The following MAP3K15 variants were observed in gnomAD, a reference collection of about 807,000 sequenced individuals.
The protein encoded by MAP3K15 is mitogen-activated protein kinase kinase kinase 15.
MAP3K15 carries 124 observed loss-of-function variants against 99.5 expected under a neutral mutation model. That is an observed-to-expected ratio of 1.25 (90% CI 1.08 to 1.45). MAP3K15 has a LOEUF of 1.45. Among genes scored for constraint, MAP3K15 ranks in the 40% most tolerant of loss-of-function variants. MAP3K15 has a pLI of 0.00. For missense variants in MAP3K15, 1,242 were observed against 1,079.7 expected, an observed-to-expected ratio of 1.15 and a Z score of -2.11; for synonymous variants, 494 against 439.6, an observed-to-expected ratio of 1.12 and a Z score of -1.55.
intron 3 of MAP3K15, among the ~76,000 whole-genome samples, chrX:19,483,018 G>A (rs2051684973): frequency 1.8e-5 from 2 of 110,012 alleles, no homozygotes; most frequent in Non-Finnish European, 1.9e-5. Context: ...GGAGGCCAAC[G>A]CGGGCGGATC....
At chrX:19,391,403 G>A (rs771139410) in intron 18 of MAP3K15, among the ~76,000 whole-genome samples, 3 of 110,996 alleles carry the variant, frequency 2.7e-5, no homozygotes, top group Non-Finnish European at 5.7e-5. Context: ...GCCAGGCGCG[G>A]TGGCTCACAT....
intron 6 of MAP3K15, among the ~76,000 whole-genome samples, chrX:19,447,076 G>A (rs902041202): frequency 8.2e-5 from 9 of 110,048 alleles, no homozygotes; most frequent in African/African-American, 2.6e-4. Flanking sequence ...CCACCACACC[G>A]GCTAATTTTT....
At chrX:19,465,830 GGTGTGTGT>G (rs10589040) in intron 3 of MAP3K15, among the ~76,000 whole-genome samples, 15 of 94,002 alleles carry the variant, frequency 1.6e-4, no homozygotes, top group African/African-American at 3.1e-4. Flanking sequence ...GGTGTGTAGG[GGTGTGTGT>G]GTGTGTGTGT....
At chrX:19,391,402 G>A (rs993949767) in intron 18 of MAP3K15, among the ~76,000 whole-genome samples, 13 of 110,875 alleles carry the variant, frequency 1.2e-4, no homozygotes, top group African/African-American at 4.3e-4. Flanking sequence ...GGCCAGGCGC[G>A]GTGGCTCACA....
intron 1 of MAP3K15, among the ~76,000 whole-genome samples, chrX:19,494,039 C>A (rs1180244853): frequency 3.6e-5 from 4 of 110,939 alleles, no homozygotes; most frequent in African/African-American, 1.3e-4. Context: ...TCCTAGCAAC[C>A]ATTACCTTTC....
chrX:19,509,544 A>G (rs1460120967), intron 1 of MAP3K15, among the ~76,000 whole-genome samples: 1 of 112,073 alleles, frequency 8.9e-6, no homozygotes. Context: ...TTTGAAATCA[A>G]TGAGAACAAA....
rs1047054560 is a variant in MAP3K15, at chrX:19,446,357, T to C, written c.995+10556A>G. Among the ~76,000 whole-genome samples, 7 of 112,201 alleles carry C rather than the reference T, an allele frequency of 6.2e-5. 1 individual carries two copies. Among genetic ancestry groups the C allele is most frequent in the African/African-American group, 2.3e-4 (7 of 30,899 alleles). On this transcript the variant is annotated intron_variant, in intron 6 of 28. Transcript: ENST00000338883. ...ACTAATAAAATGATGCTTCAAGTTATAGACTCAGAACTTTTGAAAGGAGAG... is the reference window on the plus strand; with the variant it reads ...ACTAATAAAATGATGCTTCAAGTTACAGACTCAGAACTTTTGAAAGGAGAG...
In MAP3K15 at chrX:19,415,242, T is replaced by G; in HGVS notation, c.1455A>C (p.Leu485Phe). Residue 485 changes from leucine (L) to phenylalanine (F), a missense_variant, in exon 10 of 29, where the codon TTA becomes TTC. Coordinates refer to ENST00000338883, the MANE Select transcript of MAP3K15 (RefSeq NM_001001671.4). ...GCCGAATTAGTAACAAGTTCTGAACTAATGATCGCAGGTACCTGGAAAAAT... is the reference window on the plus strand; with the variant it reads ...GCCGAATTAGTAACAAGTTCTGAACGAATGATCGCAGGTACCTGGAAAAAT... ...LKPPVWYLRS[L>F]VQNLLLIRRF... 8.5e-7 allele frequency: 1 copy of G among 1,172,286 alleles called. No homozygotes were observed.
intron 21 of MAP3K15, chrX:19,373,237 GAGAGAGAGGGGGAAGA>G (rs2063390645): frequency 4.7e-6 from 1 of 215,032 alleles, no homozygotes; most frequent in Non-Finnish European, 7.9e-6. Flanking sequence ...GGGTGAGGGG[GAGAGAGAGGGGGAAGA>G]GGAGAGAGGG....
chrX:19,417,017 G>C (rs1602289475), intron 9 of MAP3K15, among the ~76,000 whole-genome samples: 3 of 112,442 alleles, frequency 2.7e-5, no homozygotes, highest in Admixed American at 1.9e-4. Flanking sequence ...CTTTGACCAG[G>C]TTTACTCCAA....
chrX:19,509,687 G>C (rs768377318), intron 1 of MAP3K15, among the ~76,000 whole-genome samples: 3 of 111,301 alleles, frequency 2.7e-5, no homozygotes, highest in Non-Finnish European at 5.6e-5. Flanking sequence ...AAAAGGACTA[G>C]AGAAGCAAGA....
At chrX:19,476,040 G>C (rs1309682141) in intron 3 of MAP3K15, among the ~76,000 whole-genome samples, 1 of 111,865 alleles carries the variant, frequency 8.9e-6, no homozygotes, top group Non-Finnish European at 1.9e-5. Flanking sequence ...AGCAGCACAG[G>C]GTTTATAAAT....
Position 19,415,137 on chromosome X carries a change from T to A in MAP3K15, c.1560A>T (p.Thr520=), listed in dbSNP as rs753723087. The A allele has an allele frequency of 3.4e-6, 4 of 1,175,249 alleles. No homozygotes were observed. Among genetic ancestry groups the A allele is most frequent in the Middle Eastern group, 2.3e-4 (1 of 4,292 alleles). Residue 520 remains threonine (T), a synonymous_variant, in exon 10 of 29, where the codon ACA becomes ACT. Transcript: ENST00000338883. The part of the protein sequence containing the change: ...NFWLDIIFEA[T]NEVTNGLRFP... ...ATCTGAGTCCATTAGTGACTTCATT[T>A]GTTGCCTCAAAAATTATATCTAACC...
chrX:19,441,864 G>T (rs1273343502), intron 6 of MAP3K15, among the ~76,000 whole-genome samples: 6 of 111,753 alleles, frequency 5.4e-5, no homozygotes, highest in Non-Finnish European at 5.6e-5. Context: ...CTATCATCTG[G>T]CTGAAAGGAG....
chrX:19,364,189 GC>G (rs1488310430), intron 25 of MAP3K15, among the ~76,000 whole-genome samples: 3 of 111,971 alleles, frequency 2.7e-5, no homozygotes, highest in African/African-American at 9.7e-5. Context: ...GTTAAGTAAC[GC>G]CCAGAGTCCA....
chrX:19,401,108 TC>T (rs1001156734), intron 13 of MAP3K15, among the ~76,000 whole-genome samples: 3 of 111,812 alleles, frequency 2.7e-5, no homozygotes, highest in African/African-American at 9.8e-5. Context: ...TATAAGTCTT[TC>T]CTTTCTGTCC....
At chrX:19,484,834 G>C (rs552121041) in intron 3 of MAP3K15, among the ~76,000 whole-genome samples, 8 of 111,870 alleles carry the variant, frequency 7.2e-5, no homozygotes, top group Middle Eastern at 4.6e-3. Context: ...GTATCAATGA[G>C]CAAAACAGCA....
intron 22 of MAP3K15, 75 bp from the exon 23 acceptor site, chrX:19,371,605 A>G: frequency 1.0e-6 from 1 of 972,268 alleles, no homozygotes. Flanking sequence ...GGGGGAAACA[A>G]GATGGTCCAT....
intron 5 of MAP3K15, among the ~76,000 whole-genome samples, chrX:19,458,261 C>T (rs2064108026): frequency 8.9e-6 from 1 of 112,281 alleles, no homozygotes; most frequent in African/African-American, 3.2e-5. Context: ...AGAAGGGATA[C>T]ATGAAGGGAA....
Sources: allele counts gnomAD v4.1 joint callset (sites outside exome capture counted in the v4.1 genomes callset), GRCh38; gene constraint gnomAD v4.1.1; transcripts MANE v1.5; gene names NCBI Gene and HGNC (gene_info 2026-07-23, HGNC 2026-07-21).